The following EXOC6B variants were observed in gnomAD, a reference collection of about 807,000 sequenced individuals.
The protein encoded by EXOC6B is exocyst complex component 6B.
EXOC6B carries 54 observed loss-of-function variants against 113.5 expected under a neutral mutation model. The observed-to-expected ratio is 0.48, with a 90% CI of 0.38 to 0.60. EXOC6B has a LOEUF of 0.60. EXOC6B is among the 20% of genes least tolerant of loss of function. The pLI, the probability that EXOC6B is intolerant of heterozygous loss-of-function variation, is 0.00. For missense variants in EXOC6B, 797 were observed against 977.5 expected (o/e 0.82, Z 2.46); for synonymous variants, 357 against 339.0 (o/e 1.05, Z -0.58).
At chr2:72,791,466 A>C (rs762105807) in intron 1 of EXOC6B, among the ~76,000 whole-genome samples, 56 of 152,200 alleles carry the variant, frequency 3.7e-4, no homozygotes, top group Non-Finnish European at 7.6e-4. Flanking sequence ...GGATGGCTTA[A>C]GCCGAGGGAA....
intron 18 of EXOC6B, among the ~76,000 whole-genome samples, chr2:72,396,837 C>A (rs1470524349): frequency 6.6e-6 from 1 of 151,930 alleles, no homozygotes; most frequent in Admixed American, 6.6e-5. Flanking sequence ...TTGAGCAAAG[C>A]AAAGTAAGAA....
At chr2:72,431,890 A>C (rs1199257855) in intron 18 of EXOC6B, among the ~76,000 whole-genome samples, 1 of 152,096 alleles carries the variant, frequency 6.6e-6, no homozygotes, top group Admixed American at 6.6e-5. Context: ...GAGTGAGAAT[A>C]TACAATGTTT....
At chr2:72,511,439 C>A (rs2105658762) in intron 11 of EXOC6B, among the ~76,000 whole-genome samples, 1 of 152,188 alleles carries the variant, frequency 6.6e-6, no homozygotes, top group South Asian at 2.1e-4. Context: ...AATCTTACTT[C>A]CTAAAAATCT....
intron 20 of EXOC6B, among the ~76,000 whole-genome samples, chr2:72,233,990 CG>C (rs1006361071): frequency 2.0e-5 from 3 of 152,112 alleles, no homozygotes; most frequent in African/African-American, 7.2e-5. Context: ...CCCCATCCAC[CG>C]GACACTGGTA....
In EXOC6B at chr2:72,515,541, C is replaced by T. The variant is rs1035027198; in HGVS notation, c.916-415G>A. On this transcript the variant is annotated intron_variant, in intron 8 of 21. Coordinates refer to ENST00000272427, the MANE Select transcript of EXOC6B (RefSeq NM_015189.3). The stretch of plus-strand genomic sequence containing the variant: ...TAAAAATGAATCATGAACAAAGGGG[C>T]AATGGGAAGCAGGAAAAAAGCAGGA... The T allele has an allele frequency of 7.9e-6, 8 of 1,006,852 alleles. No individual in the cohort carries two copies. In the African/African-American group the frequency reaches 1.4e-4, roughly 17 times the overall value. The allele number at this position is 1,006,852 out of a possible 1,614,324, so 62.4% of individuals were successfully genotyped here.
intron 18 of EXOC6B, among the ~76,000 whole-genome samples, chr2:72,449,681 T>A (rs1217966522): frequency 1.3e-5 from 2 of 152,204 alleles, no homozygotes; most frequent in Non-Finnish European, 2.9e-5. Flanking sequence ...ATAAGTTTAA[T>A]GTCTAATATG....
chr2:72,467,374 GATAGTTCT>G (rs1328024231), intron 17 of EXOC6B, among the ~76,000 whole-genome samples: 1 of 152,126 alleles, frequency 6.6e-6, no homozygotes, highest in African/African-American at 2.4e-5. Flanking sequence ...TGAAACATAT[GATAGTTCT>G]ATTTTTATTT....
At chr2:72,292,833 T>C (rs1260487801) in intron 20 of EXOC6B, among the ~76,000 whole-genome samples, 1 of 152,170 alleles carries the variant, frequency 6.6e-6, no homozygotes, top group Admixed American at 6.5e-5. Flanking sequence ...AGCACAATGC[T>C]CTTGAGAGCC....
chr2:72,692,445 G>A (rs1466266440), intron 6 of EXOC6B, among the ~76,000 whole-genome samples: 2 of 150,440 alleles, frequency 1.3e-5, no homozygotes, highest in African/African-American at 2.5e-5. Context: ...TCTGCCTCCC[G>A]GGTTCATGCC....
At chr2:72,747,536 C>T (rs1432496552) in intron 1 of EXOC6B, among the ~76,000 whole-genome samples, 2 of 152,040 alleles carry the variant, frequency 1.3e-5, no homozygotes, top group East Asian at 1.9e-4. Context: ...TATCTCCAAA[C>T]ATCATGTTAT....
At position 72,176,045 on chromosome 2, in the gene EXOC6B, C is replaced by A. The variant is rs1001230716; in HGVS notation, c.*3290G>T. The stretch of plus-strand genomic sequence containing the variant: ...ATAGCAGTTAAAAGAGGAAAATGTA[C>A]AAGAGGAATAAACATGCTCTTTTCA... On this transcript the variant is annotated 3_prime_UTR_variant, in exon 22 of 22. Coordinates refer to ENST00000272427, the MANE Select transcript of EXOC6B (RefSeq NM_015189.3). 1 of 152,280 alleles carries A rather than the reference C, an allele frequency of 6.6e-6. No homozygotes were observed. The highest frequency in any genetic ancestry group is 1.9e-4 in the East Asian group (1 of 5,188). The allele number at this position is 152,280 out of a possible 1,614,324, so 9.4% of individuals were successfully genotyped here.
chr2:72,762,626 C>T lies in EXOC6B; in HGVS notation c.114-21157G>A, dbSNP rs367833505. Among the ~76,000 whole-genome samples the T allele has an allele frequency of 1.1e-4, 16 of 151,954 alleles. No homozygotes were observed. In the Middle Eastern group the frequency reaches 0.01, roughly 97 times the overall value. ...GCAAAACCTTAGAAAATTTGTTGTCCGCAGACCCGCACTATAAAAACTGTT... is the reference window on the plus strand; with the variant it reads ...GCAAAACCTTAGAAAATTTGTTGTCTGCAGACCCGCACTATAAAAACTGTT... On this transcript the variant is annotated intron_variant, in intron 1 of 21. Coordinates refer to ENST00000272427, the MANE Select transcript of EXOC6B (RefSeq NM_015189.3).
chr2:72,793,112 T>C lies in EXOC6B; in HGVS notation c.113+32686A>G, dbSNP rs117216434. 1.7e-3 allele frequency among the ~76,000 whole-genome samples: 266 copies of C among 152,308 alleles called. 6 individuals carry two copies. In the East Asian group the frequency reaches 0.047, roughly 27 times the overall value. Reference sequence around the variant, plus strand: ...ATATTATTTTTGGACATCTGAACTGTTTCCATGTTTTAGCTACTGTGTACA... The same window carrying C: ...ATATTATTTTTGGACATCTGAACTGCTTCCATGTTTTAGCTACTGTGTACA... On this transcript the variant is annotated intron_variant, in intron 1 of 21. Coordinates refer to ENST00000272427, the MANE Select transcript of EXOC6B (RefSeq NM_015189.3).
At position 72,481,344 on chromosome 2, in the gene EXOC6B, A is replaced by G. The variant is rs190356432; in HGVS notation, c.1666-594T>C. Among the ~76,000 whole-genome samples the G allele has an allele frequency of 2.8e-4, 42 of 152,356 alleles. No individual in the cohort carries two copies. In the East Asian group the frequency reaches 7.9e-3, roughly 29 times the overall value. On this transcript the variant is annotated intron_variant, in intron 16 of 21. Coordinates refer to ENST00000272427, the MANE Select transcript of EXOC6B (RefSeq NM_015189.3). ...TTTTGTATTCCCCCATATTATGGGA[A>G]CACTTATCACTGTATTCTAAAGGTA...
At chr2:72,780,297 C>T (rs1419868500) in intron 1 of EXOC6B, among the ~76,000 whole-genome samples, 2 of 151,998 alleles carry the variant, frequency 1.3e-5, no homozygotes, top group Admixed American at 1.3e-4. Context: ...TTCCAAATGC[C>T]CTTATGACAA....
At chr2:72,189,279 CT>C (rs1678654232) in intron 20 of EXOC6B, among the ~76,000 whole-genome samples, 1 of 152,086 alleles carries the variant, frequency 6.6e-6, no homozygotes, top group Non-Finnish European at 1.5e-5. Context: ...TATAGTTCCC[CT>C]GCCTCCATTT....
intron 18 of EXOC6B, chr2:72,464,194 C>T (rs1219454833): frequency 6.6e-6 from 1 of 152,136 alleles, no homozygotes; most frequent in Non-Finnish European, 1.5e-5. Flanking sequence ...ATCCCCAACA[C>T]TTTTTTTCCC....
chr2:72,191,065 GATGTA>G (rs1678800631), intron 20 of EXOC6B, among the ~76,000 whole-genome samples: 2 of 152,310 alleles, frequency 1.3e-5, no homozygotes, highest in African/African-American at 4.8e-5. Context: ...TGTAGTGGTT[GATGTA>G]ATACTTTATA....
In EXOC6B at chr2:72,207,114, T is replaced by C. The variant is rs571586716; in HGVS notation, c.2197-22927A>G. On this transcript the variant is annotated intron_variant, in intron 20 of 21. Coordinates refer to ENST00000272427, the MANE Select transcript of EXOC6B (RefSeq NM_015189.3). ...GACATCTTTTACATGTAAATACATA[T>C]AGATAAATGTAACCAATTTTAAAGA... Among the ~76,000 whole-genome samples, 41 of 152,314 alleles carry C rather than the reference T, an allele frequency of 2.7e-4. 1 individual carries two copies. Among genetic ancestry groups the C allele is most frequent in the African/African-American group, 8.9e-4 (37 of 41,568 alleles).
Sources: allele counts gnomAD v4.1 joint callset (sites outside exome capture counted in the v4.1 genomes callset), GRCh38; gene constraint gnomAD v4.1.1; transcripts MANE v1.5; gene names NCBI Gene and HGNC (gene_info 2026-07-23, HGNC 2026-07-21).